KLC1: variants seen among roughly 807,000 people sequenced by gnomAD.
KLC1 encodes kinesin 2 60/70kDa.
KLC1 carries 30 observed loss-of-function variants against 84.2 expected under a neutral mutation model. The ratio of observed to expected loss-of-function variants is 0.36; its 90% confidence interval spans 0.27 to 0.48. KLC1 has a LOEUF of 0.48. KLC1 is among the 20% of genes least tolerant of loss of function. The pLI is 0.99. For synonymous variants in KLC1, 289 were observed against 293.3 expected, an observed-to-expected ratio of 0.99 and a Z score of 0.15; for missense variants, 499 against 805.4, an observed-to-expected ratio of 0.62 and a Z score of 4.60.
chr14:103,671,456 G>A (rs1054344436), intron 7 of KLC1, among the ~76,000 whole-genome samples: 1 of 151,776 alleles, frequency 6.6e-6, no homozygotes, highest in African/African-American at 2.4e-5. Flanking sequence ...TGCAGCCTTC[G>A]CCTCCTGGAT....
intron 2 of KLC1, among the ~76,000 whole-genome samples, chr14:103,655,753 C>T (rs1239918351): frequency 6.6e-6 from 1 of 152,178 alleles, no homozygotes; most frequent in Non-Finnish European, 1.5e-5. Flanking sequence ...GGATTACAGG[C>T]ACATACCACC....
intron 1 of KLC1, among the ~76,000 whole-genome samples, chr14:103,649,718 C>T (rs559858368): frequency 2.1e-4 from 31 of 148,374 alleles, no homozygotes; most frequent in Admixed American, 1.9e-3. Context: ...TTTTTCGAGA[C>T]GGAGTCTCGC....
chr14:103,681,754 C>G (rs2081359175), intron 13 of KLC1, among the ~76,000 whole-genome samples: 2 of 152,068 alleles, frequency 1.3e-5, no homozygotes, highest in Admixed American at 6.5e-5. Flanking sequence ...ACCGACTTTT[C>G]TTATTTTTTA....
intron 1 of KLC1, among the ~76,000 whole-genome samples, 196 bp downstream of exon 1, chr14:103,629,690 C>G: frequency 6.6e-6 from 1 of 152,240 alleles, no homozygotes; most frequent in Non-Finnish European, 1.5e-5. Context: ...TCCGCGACCC[C>G]TTCCAGGTTC....
At chr14:103,668,395 C>T (rs1163034652) in intron 5 of KLC1, among the ~76,000 whole-genome samples, 1 of 152,206 alleles carries the variant, frequency 6.6e-6, no homozygotes, top group Admixed American at 6.5e-5. Context: ...GGTCTGATTC[C>T]AGAGTTCACC....
intron 14 of KLC1, among the ~76,000 whole-genome samples, chr14:103,689,395 C>T (rs2081962394): frequency 6.6e-6 from 1 of 152,200 alleles, no homozygotes; most frequent in South Asian, 2.1e-4. Context: ...GGGGCTGTAG[C>T]ACTGCCAGCC....
chr14:103,696,474 G>T, intron 15 of KLC1: 1 of 984,734 alleles, frequency 1.0e-6, no homozygotes, highest in Non-Finnish European at 1.2e-6. Context: ...ATGATGTATC[G>T]TTACAATGTA....
intron 15 of KLC1, chr14:103,698,794 C>A: frequency 6.3e-7 from 1 of 1,590,434 alleles, no homozygotes; most frequent in East Asian, 2.3e-5. Context: ...CAGCCGCCAC[C>A]GTGTCAGTGG....
intron 5 of KLC1, among the ~76,000 whole-genome samples, chr14:103,667,234 C>T (rs1204835668): frequency 1.3e-5 from 2 of 152,128 alleles, no homozygotes; most frequent in South Asian, 2.1e-4. Flanking sequence ...GCCTCAGGCT[C>T]CCGAGTAGCT....
intron 1 of KLC1, among the ~76,000 whole-genome samples, chr14:103,652,482 G>A (rs2078527915): frequency 6.6e-6 from 1 of 151,996 alleles, no homozygotes; most frequent in African/African-American, 2.4e-5. Flanking sequence ...GTCAGGTAGA[G>A]GAGTGGCCTT....
chr14:103,684,723 CGT>C (rs371469182), intron 13 of KLC1: 2,115 of 434,348 alleles, frequency 4.9e-3, no homozygotes, highest in East Asian at 6.5e-3. Context: ...TGTGTGCACG[CGT>C]GTGTGTGTGT....
rs117399015 is a variant in KLC1 at position 103,630,580 on chromosome 14, G to A, written c.-2+1086G>A. Among the ~76,000 whole-genome samples, 1,021 of 152,086 alleles carry A rather than the reference G, an allele frequency of 6.7e-3. 7 individuals carry two copies. The highest frequency in any genetic ancestry group is 0.01 in the Admixed American group (160 of 15,258). On this transcript the variant is annotated intron_variant, in intron 1 of 16. Transcript: ENST00000334553. ...CTAAGCCATTGATCAGAATCAGCTC[G>A]GAATACATTGCACTAGTTTAGTGAA...
rs751465019 is a variant in KLC1 at position 103,654,621 on chromosome 14, T to A, written c.57T>A (p.Leu19=). The A allele has an allele frequency of 2.5e-6, 4 of 1,614,084 alleles. No homozygotes were observed. In the South Asian group the frequency reaches 4.4e-5, roughly 18 times the overall value. The change falls in exon 2 of 17, where the codon CTT becomes CTA. Residue 19 remains leucine, a synonymous_variant. Coordinates refer to ENST00000334553, the MANE Select transcript of KLC1 (RefSeq NM_001394837.1). ...VYIKEDKLEK[L]TQDEIISKTK... Reference sequence around the variant, plus strand: ...TAAAGGAAGACAAGTTGGAGAAGCTTACACAGGATGAAATTATTTCTAAGA... The same window carrying A: ...TAAAGGAAGACAAGTTGGAGAAGCTAACACAGGATGAAATTATTTCTAAGA...
At position 103,675,773 on chromosome 14, in the gene KLC1, G is replaced by A. The variant is rs763373626; in HGVS notation, c.1379+17G>A. On this transcript the variant is annotated intron_variant, in intron 11 of 16. Transcript: ENST00000334553. Reference sequence around the variant, plus strand: ...AGTTGATAGGTATGTCTGGAATTGCGTTTGGCTGGAAAAACCAAAAAGCAG... The same window carrying A: ...AGTTGATAGGTATGTCTGGAATTGCATTTGGCTGGAAAAACCAAAAAGCAG... The A allele has an allele frequency of 2.5e-5, 41 of 1,611,454 alleles. No homozygotes were observed. The highest frequency in any genetic ancestry group is 1.9e-4 in the South Asian group (17 of 90,848).
intron 1 of KLC1, among the ~76,000 whole-genome samples, chr14:103,650,338 C>G (rs2078325869): frequency 6.6e-6 from 1 of 152,068 alleles, no homozygotes; most frequent in Admixed American, 6.6e-5. Context: ...TCCAAAGCTG[C>G]TTCATTCATT....
At chr14:103,689,953 G>A (rs573777218) in intron 14 of KLC1, among the ~76,000 whole-genome samples, 213 of 152,318 alleles carry the variant, frequency 1.4e-3, no homozygotes, top group Non-Finnish European at 1.8e-3. Context: ...GCCTAGGTGG[G>A]TGGATCACTT....
At chr14:103,672,474 C>T (rs967420253) in intron 7 of KLC1, among the ~76,000 whole-genome samples, 2 of 152,114 alleles carry the variant, frequency 1.3e-5, no homozygotes, top group Admixed American at 1.3e-4. Context: ...AGAAGTGATT[C>T]TTATAAAGAA....
chr14:103,654,517 G>A, intron 1 of KLC1, 47 bp from the exon 2 acceptor site: 3 of 1,491,056 alleles, frequency 2.0e-6, no homozygotes, highest in Non-Finnish European at 2.7e-6. Flanking sequence ...TAACAGAAAT[G>A]AAACCTGTAA....
In KLC1 at chr14:103,695,339, G is replaced by GTATA. The variant is rs56377187; in HGVS notation, c.1848+2933_1848+2936dup. ...TATATATATATATATGTGTGTGTGT[G>GTATA]TATATATATATATATATATATACAT... On this transcript the variant is annotated intron_variant, in intron 15 of 16. Transcript: ENST00000334553. 3.4e-4 allele frequency: 128 copies of GTATA among 380,280 alleles called. 1 individual carries two copies. Among genetic ancestry groups the GTATA allele is most frequent in the African/African-American group, 2.4e-3 (104 of 43,674 alleles). The allele number at this position is 380,280 out of a possible 1,614,324, so 23.6% of individuals were successfully genotyped here.
Sources: allele counts gnomAD v4.1 joint callset (sites outside exome capture counted in the v4.1 genomes callset), GRCh38; gene constraint gnomAD v4.1.1; transcripts MANE v1.5; gene names NCBI Gene and HGNC (gene_info 2026-07-23, HGNC 2026-07-21).